The following KLHL26 variants were observed in gnomAD, a reference collection of about 807,000 sequenced individuals.
KLHL26 encodes the protein kelch-like protein 26.
KLHL26 carries 4 observed loss-of-function variants against 7.1 expected under a neutral mutation model. The observed-to-expected ratio is 0.56, with a 90% confidence interval of 0.28 to 1.28. The LOEUF is 1.28. Among genes scored for constraint, KLHL26 ranks in the 50% most tolerant of loss-of-function variants. The pLI, the probability that KLHL26 is intolerant of heterozygous loss-of-function variation, is 0.11. For missense variants in KLHL26, 896 were observed against 924.6 expected, an observed-to-expected ratio of 0.97 and a Z score of 0.40; for synonymous variants, 465 against 414.1, an observed-to-expected ratio of 1.12 and a Z score of -1.49.
rs1456378792 is a variant in KLHL26 at position 18,646,967 on chromosome 19, G to A, written c.83+9830G>A. On this transcript the variant is annotated intron_variant, in intron 1 of 2. Transcript: ENST00000300976. The surrounding 1 kb of genome is among the most constrained non-coding windows in gnomAD (Gnocchi z 5.0). ...GGAGCTCGGCAGGGCGGGGGCAGGG[G>A]CGGCGGGGGGTGGCGCGTCTCAGCA... 6.6e-6 allele frequency among the ~76,000 whole-genome samples: 1 copy of A among 151,844 alleles called. No individual in the cohort carries two copies. Among genetic ancestry groups the A allele is most frequent in the Non-Finnish European group, 1.5e-5 (1 of 67,908 alleles).
At chr19:18,654,833 C>T (rs2052313515) in intron 1 of KLHL26, among the ~76,000 whole-genome samples, 1 of 152,196 alleles carries the variant, frequency 6.6e-6, no homozygotes, top group South Asian at 2.1e-4. Flanking sequence ...TTTGCCCATC[C>T]ACCCACTCAT....
rs746513868 is a variant in KLHL26, at chr19:18,668,156, C to T, written c.759C>T (p.Phe253=). 5 of 1,608,290 alleles carry T rather than the reference C, an allele frequency of 3.1e-6. No individual in the cohort carries two copies. The highest frequency in any genetic ancestry group is 1.7e-4 in the Middle Eastern group (1 of 6,012). The part of the protein sequence containing the change: ...RASHVLCHIR[F]PLMQSSELVD... ...GCCACGTGCTCTGCCACATTCGCTT[C>T]CCGCTCATGCAGTCGTCCGAGCTGG... The change falls in exon 3 of 3, where the codon TTC becomes TTT. Residue 253 remains phenylalanine (F), a synonymous_variant. Coordinates refer to ENST00000300976, the MANE Select transcript of KLHL26 (RefSeq NM_018316.3).
At chr19:18,647,266 T>C (rs1600687424) in intron 1 of KLHL26, among the ~76,000 whole-genome samples, 2 of 152,344 alleles carry the variant, frequency 1.3e-5, no homozygotes, top group South Asian at 4.1e-4. Context: ...TCCTTGTCGT[T>C]GTCCGTAGTT....
chr19:18,666,081 C>T (rs2052445192), intron 2 of KLHL26, among the ~76,000 whole-genome samples: 2 of 152,390 alleles, frequency 1.3e-5, no homozygotes, highest in African/African-American at 4.8e-5. Flanking sequence ...AAGCTCCCTC[C>T]TGTCGCCTGC....
rs996183240 is a variant in KLHL26 at position 18,660,126 on chromosome 19, A to G, written c.84-4135A>G. Among the ~76,000 whole-genome samples the G allele has an allele frequency of 2.0e-5, 3 of 152,284 alleles. No individual in the cohort carries two copies. In the East Asian group the frequency reaches 5.8e-4, roughly 29 times the overall value. ...AGTTTACCCCACCCAGGCTCCCTGG[A>G]TGTTAGCCCTAGCACATCCCTGCAC... On this transcript the variant is annotated intron_variant, in intron 1 of 2. Transcript: ENST00000300976.
chr19:18,667,742 G>T lies in KLHL26; in HGVS notation c.345G>T (p.Arg115=). The stretch of plus-strand genomic sequence containing the variant: ...AGGGCGTGTCGGCCCGTGGCCTGCG[G>T]CACATCATCGACTTCGCCTACAGCG... The part of the protein sequence containing the change: ...ELKGVSARGL[R]HIIDFAYSAE... Residue 115 remains arginine, a synonymous_variant, in exon 3 of 3, where the codon CGG becomes CGT. Coordinates refer to ENST00000300976, the MANE Select transcript of KLHL26 (RefSeq NM_018316.3). 6.2e-7 allele frequency: 1 copy of T among 1,613,240 alleles called. No individual in the cohort carries two copies. Among genetic ancestry groups the T allele is most frequent in the South Asian group, 1.1e-5 (1 of 91,082 alleles).
intron 1 of KLHL26, among the ~76,000 whole-genome samples, chr19:18,642,158 T>C (rs1315798439): frequency 6.6e-6 from 1 of 152,222 alleles, no homozygotes. Context: ...ATTGTTCGTC[T>C]GTTCCTTCAT....
intron 2 of KLHL26, among the ~76,000 whole-genome samples, chr19:18,666,494 C>T (rs1287544295): frequency 2.6e-5 from 4 of 152,210 alleles, no homozygotes; most frequent in Non-Finnish European, 5.9e-5. Context: ...CTGGGGAACA[C>T]CCTAAACGCT....
At chr19:18,642,338 A>AGTGTGTGTGTGTGT (rs1204260630) in intron 1 of KLHL26, among the ~76,000 whole-genome samples, 2,247 of 123,832 alleles carry the variant, frequency 0.018, 54 homozygotes, top group East Asian at 0.038. Flanking sequence ...CTAGTCACCT[A>AGTGTGTGTGTGTGT]GTGTGTGTGT....
intron 1 of KLHL26, among the ~76,000 whole-genome samples, chr19:18,660,647 C>T (rs536021176): frequency 3.9e-5 from 6 of 152,336 alleles, no homozygotes; most frequent in East Asian, 3.9e-4. Flanking sequence ...TGCCCACCTC[C>T]GCCCAGGCTG....
Position 18,668,046 on chromosome 19 carries a change from C to G in KLHL26, c.649C>G (p.Arg217Gly). The G allele has an allele frequency of 6.2e-7, 1 of 1,607,998 alleles. No homozygotes were observed. Among genetic ancestry groups the G allele is most frequent in the Middle Eastern group, 1.6e-4 (1 of 6,062 alleles). Residue 217 changes from arginine to glycine, a missense_variant, in exon 3 of 3, where the codon CGG becomes GGG. By Grantham distance (125) the Arg-to-Gly change is moderately radical. Transcript: ENST00000300976. The stretch of plus-strand genomic sequence containing the variant: ...CCTGGTCTTCTTCCTGCAGAGCAAC[C>G]GGCTGCAGAGCTGTGCCGAGATCGA... ...ERLVFFLQSN[R>G]LQSCAEIDLF...
At chr19:18,638,430 T>G (rs1288483751) in intron 1 of KLHL26, among the ~76,000 whole-genome samples, 1 of 152,212 alleles carries the variant, frequency 6.6e-6, no homozygotes, top group Non-Finnish European at 1.5e-5. Context: ...CTGTGGGCAT[T>G]GAATCTGGTC....
At position 18,646,616 on chromosome 19, in the gene KLHL26, G is replaced by A. The variant is rs1976806416; in HGVS notation, c.83+9479G>A. Among the ~76,000 whole-genome samples, 1 of 152,212 alleles carries A rather than the reference G, an allele frequency of 6.6e-6. No homozygotes were observed. The highest frequency in any genetic ancestry group is 1.5e-5 in the Non-Finnish European group (1 of 68,050). On this transcript the variant is annotated intron_variant, in intron 1 of 2. Coordinates refer to ENST00000300976, the MANE Select transcript of KLHL26 (RefSeq NM_018316.3). The surrounding 1 kb of genome is among the most constrained non-coding windows in gnomAD (Gnocchi z 5.0). ...TGGGGCTCCAGGCCCACCAGGTGGG[G>A]GGTGTCTGGGAGGAAACGAGTGGGG...
intron 1 of KLHL26, among the ~76,000 whole-genome samples, chr19:18,639,676 C>T (rs1976679729): frequency 6.6e-6 from 1 of 152,038 alleles, no homozygotes; most frequent in South Asian, 2.1e-4. Flanking sequence ...TCCCAAAGTG[C>T]TGGGATTACA....
In KLHL26 at chr19:18,650,140, A is replaced by G. The variant is rs1437610767; in HGVS notation, c.83+13003A>G. On this transcript the variant is annotated intron_variant, in intron 1 of 2. Transcript: ENST00000300976. This position sits in a 1 kb window ranked among gnomAD's most constrained non-coding sequence, Gnocchi z 4.2. ...CCGAGGATCGAGGCCGAAGATGTTT[A>G]CTGACGCCACAACTGTGAAATTCCA... is the stretch of plus-strand genomic sequence containing the variant. Among the ~76,000 whole-genome samples the G allele has an allele frequency of 3.3e-5, 5 of 152,158 alleles. No individual in the cohort carries two copies. Among genetic ancestry groups the G allele is most frequent in the African/African-American group, 1.2e-4 (5 of 41,436 alleles).
chr19:18,650,185 C>G lies in KLHL26; in HGVS notation c.83+13048C>G, dbSNP rs944805510. Among the ~76,000 whole-genome samples, 2 of 151,894 alleles carry G rather than the reference C, an allele frequency of 1.3e-5. No homozygotes were observed. Among genetic ancestry groups the G allele is most frequent in the African/African-American group, 4.8e-5 (2 of 41,424 alleles). ...ATTCCACAGGGGTCAAAGACGGACC[C>G]GGGCGGGAGCGGTCTGGGCTGGATA... On this transcript the variant is annotated intron_variant, in intron 1 of 2. Coordinates refer to ENST00000300976, the MANE Select transcript of KLHL26 (RefSeq NM_018316.3). This position sits in a 1 kb window ranked among gnomAD's most constrained non-coding sequence, Gnocchi z 4.2.
chr19:18,658,394 C>T (rs914709993), intron 1 of KLHL26, among the ~76,000 whole-genome samples: 5 of 151,926 alleles, frequency 3.3e-5, no homozygotes, highest in East Asian at 3.9e-4. Context: ...ACTGCCTGGT[C>T]GCTGTCACCC....
chr19:18,668,390 C>T lies in KLHL26; in HGVS notation c.993C>T (p.Tyr331=). ...ACCGCTCGGTCAGCAGCAAGGTCTA[C>T]CAGCTGCCTGAGCCGGGAGCCCGCC... ...DSDRSVSSKV[Y]QLPEPGARHF... Residue 331 remains tyrosine, a synonymous_variant, in exon 3 of 3, where the codon TAC becomes TAT. Transcript: ENST00000300976. The T allele has an allele frequency of 5.6e-6, 9 of 1,607,952 alleles. No homozygotes were observed. Among genetic ancestry groups the T allele is most frequent in the Non-Finnish European group, 7.6e-6 (9 of 1,179,206 alleles).
chr19:18,643,449 T>A (rs1268061347), intron 1 of KLHL26, among the ~76,000 whole-genome samples: 2 of 151,456 alleles, frequency 1.3e-5, no homozygotes, highest in African/African-American at 4.8e-5. Context: ...TCTTAAAAAA[T>A]ATATATATTA....
Sources: gnomAD v4.1 joint callset for allele counts (sites outside exome capture counted in the v4.1 genomes callset) on GRCh38, gnomAD v4.1.1 for gene constraint, Gnocchi (gnomAD v3.1) non-coding constraint, MANE v1.5 for transcripts, NCBI Gene and HGNC (gene_info 2026-07-23, HGNC 2026-07-21) for gene names.